The following SLC7A2 variants were observed in gnomAD, a reference collection of about 807,000 sequenced individuals.
SLC7A2 encodes cationic amino acid transporter 2.
Under a neutral mutation model 58.9 loss-of-function variants are expected in SLC7A2, and 48 were observed. The ratio of observed to expected loss-of-function variants is 0.82; its 90% CI spans 0.65 to 1.04. SLC7A2 has a LOEUF of 1.04. Among genes scored for constraint, SLC7A2 ranks in the 50% least tolerant of loss-of-function variants. SLC7A2 has a pLI of 0.00. For synonymous variants in SLC7A2, 363 were observed against 314.5 expected, an observed-to-expected ratio of 1.15 and a Z score of -1.63; for missense variants, 1,029 against 818.8, an observed-to-expected ratio of 1.26 and a Z score of -3.13.
intron 8 of SLC7A2, among the ~76,000 whole-genome samples, chr8:17,557,924 GT>G (rs889366842): frequency 6.6e-6 from 1 of 152,226 alleles, no homozygotes; most frequent in African/African-American, 2.4e-5. Context: ...CTGTTTGAAT[GT>G]TTTTTTGTGG....
chr8:17,508,598 C>T (rs937710057), intron 2 of SLC7A2, among the ~76,000 whole-genome samples: 35 of 152,150 alleles, frequency 2.3e-4, no homozygotes, highest in Middle Eastern at 3.4e-3. Flanking sequence ...GTGGTGGGCA[C>T]CTGTAATCCT....
chr8:17,511,648 G>A (rs1400400955), intron 2 of SLC7A2, among the ~76,000 whole-genome samples: 4 of 152,102 alleles, frequency 2.6e-5, no homozygotes, highest in Non-Finnish European at 5.9e-5. Flanking sequence ...TTAACATATT[G>A]ACTATACTTT....
chr8:17,569,486 T>C lies in SLC7A2; in HGVS notation c.*4340T>C, dbSNP rs1322316326. ...ATGCCAGCAAAGGTCATTTTCATTT[T>C]TTAGTCATATAGATATGAAAATAAG... On this transcript the variant is annotated 3_prime_UTR_variant, in exon 13 of 13. Coordinates refer to ENST00000494857, the MANE Select transcript of SLC7A2 (RefSeq NM_001370338.1). The C allele has an allele frequency of 6.6e-6, 1 of 152,220 alleles. No homozygotes were observed. The highest frequency in any genetic ancestry group is 6.5e-5 in the Admixed American group (1 of 15,272). The allele number at this position is 152,220 out of a possible 1,614,324, so 9.4% of individuals were successfully genotyped here. A position where few individuals can be genotyped will look rare whatever the true frequency, so the allele number is the denominator to read the frequency against.
chr8:17,549,899 T>G (rs906096438), intron 5 of SLC7A2, among the ~76,000 whole-genome samples: 22 of 152,236 alleles, frequency 1.4e-4, no homozygotes, highest in African/African-American at 5.1e-4. Flanking sequence ...ACATATACTC[T>G]GCCTTACTCG....
At chr8:17,535,862 C>T (rs1233605896) in intron 2 of SLC7A2, among the ~76,000 whole-genome samples, 1 of 152,100 alleles carries the variant, frequency 6.6e-6, no homozygotes, top group Non-Finnish European at 1.5e-5. Flanking sequence ...GAGATCATGC[C>T]ACTGCACTCC....
intron 2 of SLC7A2, among the ~76,000 whole-genome samples, chr8:17,503,060 A>AT (rs1315026429): frequency 4.6e-5 from 7 of 151,410 alleles, no homozygotes; most frequent in East Asian, 1.9e-4. Flanking sequence ...ATTTTATTTT[A>AT]TTTTTTTTGA....
intron 2 of SLC7A2, chr8:17,510,756 T>C (rs1461614776): frequency 6.6e-6 from 1 of 152,192 alleles, no homozygotes; most frequent in African/African-American, 2.4e-5. Flanking sequence ...ATGGGGTATA[T>C]ACCCAAAGGA....
intron 2 of SLC7A2, among the ~76,000 whole-genome samples, chr8:17,525,637 T>G (rs1375816479): frequency 6.6e-6 from 1 of 152,196 alleles, no homozygotes; most frequent in East Asian, 1.9e-4. Flanking sequence ...ACTTTTAAAT[T>G]ATCATGGTAG....
chr8:17,564,041 G>T (rs188596580), intron 12 of SLC7A2, among the ~76,000 whole-genome samples: 74 of 152,290 alleles, frequency 4.9e-4, no homozygotes, highest in African/African-American at 1.8e-3. Context: ...CATGTCTGCA[G>T]TGATCTTAGG....
intron 1 of SLC7A2, among the ~76,000 whole-genome samples, chr8:17,501,737 A>G (rs1420546686): frequency 6.6e-6 from 1 of 152,138 alleles, no homozygotes; most frequent in Non-Finnish European, 1.5e-5. Flanking sequence ...GTAAAATGAG[A>G]TAAAAAAATG....
At chr8:17,537,701 G>A (rs1454249922) in intron 2 of SLC7A2, among the ~76,000 whole-genome samples, 1 of 152,082 alleles carries the variant, frequency 6.6e-6, no homozygotes, top group East Asian at 1.9e-4. Flanking sequence ...TGGGGAGAGG[G>A]AACAGGTTGT....
intron 6 of SLC7A2, 89 bp downstream of exon 6, chr8:17,550,523 G>C: frequency 1.5e-6 from 2 of 1,302,714 alleles, no homozygotes; most frequent in Non-Finnish European, 2.1e-6. Flanking sequence ...CCAGGAAAGA[G>C]AGAGGGATTT....
At position 17,548,723 on chromosome 8, in the gene SLC7A2, T is replaced by C; in HGVS notation, c.578T>C (p.Val193Ala). 1 of 1,613,466 alleles carries C rather than the reference T, an allele frequency of 6.2e-7. No individual in the cohort carries two copies. Among genetic ancestry groups the C allele is most frequent in the Non-Finnish European group, 8.5e-7 (1 of 1,179,654 alleles). The change falls in exon 5 of 13, where the codon GTC becomes GCC. Residue 193 changes from valine (V) to alanine (A), a missense_variant. By Grantham distance (64) the Val-to-Ala change is moderately conservative (BLOSUM62 0). Coordinates refer to ENST00000494857, the MANE Select transcript of SLC7A2 (RefSeq NM_001370338.1). Reference sequence around the variant, plus strand: ...AAAGAGTCTGCTTGGGTGAATAAAGTCTTCACAGCTGTTAATATTCTCGTC... The same window carrying C: ...AAAGAGTCTGCTTGGGTGAATAAAGCCTTCACAGCTGTTAATATTCTCGTC... ...GVKESAWVNK[V>A]FTAVNILVLL...
chr8:17,525,761 A>G (rs911844508), intron 2 of SLC7A2, among the ~76,000 whole-genome samples: 19 of 152,204 alleles, frequency 1.2e-4, no homozygotes, highest in African/African-American at 4.6e-4. Flanking sequence ...GTTGCTTGCA[A>G]ACCAGCACAT....
intron 2 of SLC7A2, among the ~76,000 whole-genome samples, chr8:17,523,114 A>G (rs1801082776): frequency 6.6e-6 from 1 of 152,102 alleles, no homozygotes; most frequent in African/African-American, 2.4e-5. Context: ...CATGTAACAA[A>G]CCTGCATGTT....
intron 7 of SLC7A2, 41 bp downstream of exon 7, chr8:17,552,027 C>T (rs749779901): frequency 6.5e-7 from 1 of 1,531,018 alleles, no homozygotes; most frequent in Admixed American, 1.7e-5. Flanking sequence ...GTTTGGGACT[C>T]TACAAAGTAG....
At chr8:17,551,199 C>A (rs578128993) in intron 6 of SLC7A2, among the ~76,000 whole-genome samples, 93 of 152,168 alleles carry the variant, frequency 6.1e-4, no homozygotes, top group Middle Eastern at 3.4e-3. Context: ...TTTTTTCTTT[C>A]CTGGCGATAG....
At chr8:17,547,811 T>TGTGTGC (rs987785402) in intron 4 of SLC7A2, among the ~76,000 whole-genome samples, 1 of 151,268 alleles carries the variant, frequency 6.6e-6, no homozygotes, top group African/African-American at 2.4e-5. Context: ...TGTGTGTGTG[T>TGTGTGC]GTGTGTGTGT....
At chr8:17,508,335 C>T (rs1291070285) in intron 2 of SLC7A2, among the ~76,000 whole-genome samples, 2 of 152,118 alleles carry the variant, frequency 1.3e-5, no homozygotes, top group South Asian at 2.1e-4. Context: ...GGACAAACAA[C>T]CTTATTGTTA....
Sources: gnomAD v4.1 joint callset for allele counts (sites outside exome capture counted in the v4.1 genomes callset) on GRCh38, gnomAD v4.1.1 for gene constraint, MANE v1.5 for transcripts, NCBI Gene and HGNC (gene_info 2026-07-23, HGNC 2026-07-21) for gene names.